Variants in TFDP2 observed in about 807,000 individuals in gnomAD.
TFDP2 encodes transcription factor Dp-2, also known as transcription factor Dp-2 (E2F dimerization partner 2).
TFDP2 carries 17 observed loss-of-function variants against 59.3 expected under a neutral mutation model. The observed-to-expected ratio is 0.29, with a 90% CI of 0.20 to 0.43. The LOEUF is 0.43. Among genes scored for constraint, TFDP2 ranks in the 20% least tolerant of loss-of-function variants. TFDP2 has a pLI of 1.00. For missense variants in TFDP2, 391 were observed against 528.8 expected, an observed-to-expected ratio of 0.74 and a Z score of 2.56; for synonymous variants, 180 against 194.7, an observed-to-expected ratio of 0.92 and a Z score of 0.63.
At chr3:142,101,622 T>A (rs1470941668) in intron 2 of TFDP2, 113 bp downstream of exon 2, 1 of 642,646 alleles carries the variant, frequency 1.6e-6, no homozygotes. Context: ...AATACAATTA[T>A]AAATCCATGC....
intron 3 of TFDP2, chr3:142,090,734 T>C (rs1381038659): frequency 6.6e-6 from 1 of 152,166 alleles, no homozygotes; most frequent in Non-Finnish European, 1.5e-5. Flanking sequence ...CTAATATTTG[T>C]ACTTTTAGTA....
intron 1 of TFDP2, among the ~76,000 whole-genome samples, chr3:142,119,821 C>A (rs1383553881): frequency 6.6e-6 from 1 of 152,176 alleles, no homozygotes; most frequent in Non-Finnish European, 1.5e-5. Flanking sequence ...GAGGCCAAGG[C>A]AGGCGGATCA....
At chr3:141,954,234 A>G (rs1936282445) in intron 11 of TFDP2, among the ~76,000 whole-genome samples, 1 of 152,176 alleles carries the variant, frequency 6.6e-6, no homozygotes, top group African/African-American at 2.4e-5. Flanking sequence ...TACATATACC[A>G]CATTTATCCT....
rs547134143 is a variant in TFDP2, at chr3:142,025,638, C to A, written c.83-20094G>T. Reference sequence around the variant, plus strand: ...TTTGATCAGAATTGTAAAAAAAGTTCTTTAGGCAAATCTATAGTTTGTAAA... The same window carrying A: ...TTTGATCAGAATTGTAAAAAAAGTTATTTAGGCAAATCTATAGTTTGTAAA... On this transcript the variant is annotated intron_variant, in intron 3 of 12. Coordinates refer to ENST00000489671, the MANE Select transcript of TFDP2 (RefSeq NM_001178139.2). 2.0e-5 allele frequency among the ~76,000 whole-genome samples: 3 copies of A among 151,976 alleles called. No homozygotes were observed. The East Asian group carries it at 5.8e-4, about 29-fold the overall frequency.
chr3:142,060,253 C>T (rs1242989906), intron 3 of TFDP2, among the ~76,000 whole-genome samples: 2 of 152,208 alleles, frequency 1.3e-5, no homozygotes, highest in Admixed American at 6.5e-5. Flanking sequence ...AGTGATCCTT[C>T]CACTTCAGCC....
intron 10 of TFDP2, among the ~76,000 whole-genome samples, chr3:141,962,976 T>G (rs1576469877): frequency 6.6e-6 from 1 of 152,208 alleles, no homozygotes; most frequent in East Asian, 1.9e-4. Flanking sequence ...CTCAAGTCAT[T>G]ATAGACATTA....
intron 3 of TFDP2, among the ~76,000 whole-genome samples, chr3:142,069,202 C>T (rs2060163927): frequency 1.3e-5 from 2 of 152,160 alleles, no homozygotes; most frequent in Non-Finnish European, 2.9e-5. Context: ...GAGTGAGACA[C>T]CGCGCGCGGT....
intron 3 of TFDP2, among the ~76,000 whole-genome samples, chr3:142,009,080 G>A (rs1266387099): frequency 6.6e-6 from 1 of 152,102 alleles, no homozygotes; most frequent in Non-Finnish European, 1.5e-5. Flanking sequence ...CATAAAACCT[G>A]TTATTACTGA....
chr3:142,013,770 T>C (rs1576703532), intron 3 of TFDP2, among the ~76,000 whole-genome samples: 1 of 130,220 alleles, frequency 7.7e-6, no homozygotes, highest in African/African-American at 2.6e-5. Flanking sequence ...AGACACCACA[T>C]ATTTTTTTTT....
chr3:142,022,677 C>G (rs1295309261), intron 3 of TFDP2, among the ~76,000 whole-genome samples: 1 of 152,184 alleles, frequency 6.6e-6, no homozygotes, highest in African/African-American at 2.4e-5. Context: ...GAGTACTTCA[C>G]TGGAAATTAC....
At chr3:142,013,778 T>C (rs1944906358) in intron 3 of TFDP2, among the ~76,000 whole-genome samples, 1 of 152,178 alleles carries the variant, frequency 6.6e-6, no homozygotes, top group Non-Finnish European at 1.5e-5. Context: ...CATATTTTTT[T>C]TTCCACTATA....
chr3:142,110,255 G>A (rs193097517), intron 1 of TFDP2, among the ~76,000 whole-genome samples: 1,656 of 152,184 alleles, frequency 0.011, 79 homozygotes, highest in Admixed American at 0.088. Flanking sequence ...TGTAATCCCA[G>A]CACTTTGGTA....
rs144392627 is a variant in TFDP2 at position 141,987,693 on chromosome 3, C to T, written c.356+5845G>A. ...CTGTAATCCCAGCACTTTGGGAGGCCGAGGTGGGTGGATCACTTGAGGTCA... is the reference window on the plus strand; with the variant it reads ...CTGTAATCCCAGCACTTTGGGAGGCTGAGGTGGGTGGATCACTTGAGGTCA... On this transcript the variant is annotated intron_variant, in intron 6 of 12. Coordinates refer to ENST00000489671, the MANE Select transcript of TFDP2 (RefSeq NM_001178139.2). Among the ~76,000 whole-genome samples the T allele has an allele frequency of 5.3e-3, 787 of 148,486 alleles. 9 individuals are homozygous for T. The highest frequency in any genetic ancestry group is 0.019 in the African/African-American group (752 of 40,316).
At chr3:142,089,344 A>T (rs2060923721) in intron 3 of TFDP2, among the ~76,000 whole-genome samples, 1 of 152,208 alleles carries the variant, frequency 6.6e-6, no homozygotes, top group South Asian at 2.1e-4. Flanking sequence ...CTGAAAAAAA[A>T]TAAGCTAACT....
At chr3:142,091,643 T>C (rs1255379659) in intron 3 of TFDP2, among the ~76,000 whole-genome samples, 5 of 152,164 alleles carry the variant, frequency 3.3e-5, no homozygotes, top group Non-Finnish European at 7.4e-5. Flanking sequence ...TCTAGAACAG[T>C]GGTCCCCAAC....
chr3:141,987,521 G>C (rs1409604744), intron 6 of TFDP2, among the ~76,000 whole-genome samples: 1 of 146,812 alleles, frequency 6.8e-6, no homozygotes, highest in Non-Finnish European at 1.5e-5. Context: ...GAGCTCAGGC[G>C]ATCCACCCAA....
chr3:141,987,781 A>AG (rs1373185013), intron 6 of TFDP2, among the ~76,000 whole-genome samples: 62 of 150,750 alleles, frequency 4.1e-4, no homozygotes, highest in Admixed American at 1.7e-3. Flanking sequence ...TAGAAAAAAA[A>AG]AAAAAAAATT....
chr3:142,105,630 A>T (rs1263733839), intron 1 of TFDP2, among the ~76,000 whole-genome samples: 1 of 152,218 alleles, frequency 6.6e-6, no homozygotes, highest in Non-Finnish European at 1.5e-5. Context: ...AAATTAACAG[A>T]GTATTACTAT....
chr3:141,985,959 T>C (rs1406763530), intron 6 of TFDP2, among the ~76,000 whole-genome samples: 1 of 152,202 alleles, frequency 6.6e-6, no homozygotes, highest in Non-Finnish European at 1.5e-5. Flanking sequence ...CAAGAAGTGT[T>C]AGCAAAAACG....
Sources: gnomAD v4.1 joint callset for allele counts (sites outside exome capture counted in the v4.1 genomes callset) on GRCh38, gnomAD v4.1.1 for gene constraint, MANE v1.5 for transcripts, NCBI Gene and HGNC (gene_info 2026-07-23, HGNC 2026-07-21) for gene names.